The following MRRF variants were observed in gnomAD, a reference collection of about 807,000 sequenced individuals.
The protein encoded by MRRF is mitochondrial ribosome recycling factor.
Under a neutral mutation model 25.1 loss-of-function variants are expected in MRRF, and 18 were observed. That is an observed-to-expected ratio of 0.72 (90% CI 0.50 to 1.06). The LOEUF is 1.06. Among genes scored for constraint, MRRF ranks in the 50% least tolerant of loss-of-function variants. The pLI is 0.00. For synonymous variants in MRRF, 113 were observed against 112.1 expected (o/e 1.01, Z -0.05); for missense variants, 323 against 319.3 (o/e 1.01, Z -0.09).
intron 4 of MRRF, chr9:122,285,970 T>C: frequency 7.7e-7 from 1 of 1,304,032 alleles, no homozygotes. Context: ...GGTCATTGCA[T>C]CTTTGAAGCT....
intron 4 of MRRF, chr9:122,286,044 G>C (rs773022932): frequency 7.7e-7 from 1 of 1,295,664 alleles, no homozygotes; most frequent in Non-Finnish European, 1.0e-6. Flanking sequence ...ACTAGGAATT[G>C]GCCTGGATTA....
chr9:122,280,960 A>T (rs1420942163), intron 3 of MRRF, among the ~76,000 whole-genome samples: 1 of 152,216 alleles, frequency 6.6e-6, no homozygotes, highest in Non-Finnish European at 1.5e-5. Context: ...CAGAAAAATG[A>T]GATTTTTATT....
At chr9:122,316,764 C>T (rs1835556164) in intron 6 of MRRF, among the ~76,000 whole-genome samples, 1 of 151,772 alleles carries the variant, frequency 6.6e-6, no homozygotes, top group Middle Eastern at 3.4e-3. Context: ...CCTCCCCTCC[C>T]ACATTGGAGA....
chr9:122,274,986 CT>C (rs1299284041), intron 2 of MRRF, among the ~76,000 whole-genome samples: 8 of 150,996 alleles, frequency 5.3e-5, no homozygotes, highest in Admixed American at 2.0e-4. Flanking sequence ...TTCCTGTTTT[CT>C]TTTTTTCTTT....
chr9:122,289,405 G>A (rs1276621333), intron 4 of MRRF, among the ~76,000 whole-genome samples: 3 of 152,132 alleles, frequency 2.0e-5, no homozygotes, highest in African/African-American at 7.2e-5. Context: ...AGTAGTCGGT[G>A]CCCTAGTGCC....
chr9:122,296,382 C>G (rs1588050298), intron 5 of MRRF, among the ~76,000 whole-genome samples: 3 of 152,256 alleles, frequency 2.0e-5, no homozygotes. Flanking sequence ...TACCATTTAT[C>G]AACCACCTAA....
intron 4 of MRRF, among the ~76,000 whole-genome samples, chr9:122,287,002 C>T (rs1833456263): frequency 6.6e-6 from 1 of 152,206 alleles, no homozygotes; most frequent in South Asian, 2.1e-4. Context: ...TCCTTAGAGC[C>T]TTTGCATATC....
chr9:122,277,785 C>A lies in MRRF; in HGVS notation c.185-2658C>A, dbSNP rs543729520. On this transcript the variant is annotated intron_variant, in intron 2 of 6. Coordinates refer to ENST00000344641, the MANE Select transcript of MRRF (RefSeq NM_138777.5). ...TAGGCTGATCTCAAACTCCTGGCCT[C>A]AGGTGATCCGCCCGCCTTGGCTTGC... Among the ~76,000 whole-genome samples, 17 of 152,320 alleles carry A rather than the reference C, an allele frequency of 1.1e-4. No individual in the cohort carries two copies. The South Asian group carries it at 3.5e-3, about 32-fold the overall frequency.
intron 5 of MRRF, among the ~76,000 whole-genome samples, chr9:122,308,427 G>A (rs866444851): frequency 1.6e-4 from 24 of 148,320 alleles, no homozygotes; most frequent in Admixed American, 1.3e-4. Context: ...GGCCGGATGC[G>A]GTGGCTGACG....
chr9:122,277,138 G>C (rs563615835), intron 2 of MRRF, among the ~76,000 whole-genome samples: 1 of 152,336 alleles, frequency 6.6e-6, no homozygotes, highest in Non-Finnish European at 1.5e-5. Context: ...GGGATTACAA[G>C]TGTAAGTCAC....
intron 1 of MRRF, among the ~76,000 whole-genome samples, chr9:122,268,236 C>A (rs944382452): frequency 6.6e-6 from 1 of 152,130 alleles, no homozygotes; most frequent in Non-Finnish European, 1.5e-5. Flanking sequence ...AGTTGTCTTC[C>A]GGTTCACGTG....
intron 6 of MRRF, among the ~76,000 whole-genome samples, chr9:122,317,994 G>A (rs527417876): frequency 5.9e-5 from 9 of 152,132 alleles, no homozygotes; most frequent in African/African-American, 2.2e-4. Context: ...AAAATTAGCC[G>A]GGCATGGTGG....
chr9:122,310,023 C>G (rs1339016125), intron 5 of MRRF, among the ~76,000 whole-genome samples: 1 of 152,232 alleles, frequency 6.6e-6, no homozygotes, highest in Non-Finnish European at 1.5e-5. Context: ...AGACAGTTTA[C>G]ATTTCCTGAG....
chr9:122,299,414 G>A (rs891227148), intron 5 of MRRF, among the ~76,000 whole-genome samples: 7 of 151,934 alleles, frequency 4.6e-5, no homozygotes, highest in Non-Finnish European at 8.8e-5. Context: ...TGCACCTGGC[G>A]GAAGAGAAGA....
Position 122,313,210 on chromosome 9 carries a change from C to T in MRRF, c.552-17C>T, listed in dbSNP as rs1158782679. 1.2e-6 allele frequency: 2 copies of T among 1,612,910 alleles called. No homozygotes were observed. The highest frequency in any genetic ancestry group is 4.5e-5 in the East Asian group (2 of 44,782). On this transcript the variant is annotated splice_polypyrimidine_tract_variant and intron_variant, in intron 5 of 6. Transcript: ENST00000344641. ...TGTATAGAATGATTTTGTTGAATGT[C>T]TTTTGTCTTTTATCAGAGTAACCAG...
intron 6 of MRRF, among the ~76,000 whole-genome samples, chr9:122,319,700 A>G (rs139852860): frequency 1.3e-5 from 2 of 152,206 alleles, no homozygotes; most frequent in East Asian, 1.9e-4. Flanking sequence ...GTTTTAGGCA[A>G]GTGTCTGACA....
At position 122,326,769 on chromosome 9, in the gene MRRF, C is replaced by T. The variant is rs569119395; in HGVS notation, c.*4152C>T. The stretch of plus-strand genomic sequence containing the variant: ...CAGTCGGCCAGGTTCCATGCTAGAC[C>T]CTTTACACGTGTTCCCACATTGAAA... On this transcript the variant is annotated 3_prime_UTR_variant, in exon 7 of 7. Transcript: ENST00000344641. 1 of 152,002 alleles carries T rather than the reference C, an allele frequency of 6.6e-6. No individual in the cohort carries two copies. Among genetic ancestry groups the T allele is most frequent in the Non-Finnish European group, 1.5e-5 (1 of 68,014 alleles). The allele number at this position is 152,002 out of a possible 1,614,324, so 9.4% of individuals were successfully genotyped here. A position where few individuals can be genotyped will look rare whatever the true frequency, so the allele number is the denominator to read the frequency against.
chr9:122,280,722 T>C, intron 3 of MRRF, 124 bp downstream of exon 3: 1 of 849,408 alleles, frequency 1.2e-6, no homozygotes. Context: ...TACTTTGCTT[T>C]TCTGGTCCTC....
intron 3 of MRRF, among the ~76,000 whole-genome samples, chr9:122,282,890 C>G (rs373199583): frequency 2.0e-5 from 3 of 151,964 alleles, no homozygotes; most frequent in Non-Finnish European, 4.4e-5. Context: ...GAAGAGTGTT[C>G]TCAGTAGAAG....
Sources: allele counts gnomAD v4.1 joint callset (sites outside exome capture counted in the v4.1 genomes callset), GRCh38; gene constraint gnomAD v4.1.1; transcripts MANE v1.5; gene names NCBI Gene and HGNC (gene_info 2026-07-23, HGNC 2026-07-21).